The following SPMAP2 variants were observed in gnomAD, a reference collection of about 807,000 sequenced individuals.
SPMAP2 encodes Theg homolog.
chr19:375,219 C>T, the SPMAP2 span, among the ~76,000 whole-genome samples: 3 of 152,270 alleles, frequency 2.0e-5, no homozygotes, highest in East Asian at 1.9e-4. Flanking sequence ...TCACCCAGAA[C>T]GTGTTCCTCC....
chr19:371,542 A>G, the SPMAP2 span, among the ~76,000 whole-genome samples: 1 of 152,190 alleles, frequency 6.6e-6, no homozygotes, highest in East Asian at 1.9e-4. Context: ...TTCGTAAAGA[A>G]TTTCTAAGAG....
chr19:373,059 G>A, the SPMAP2 span, among the ~76,000 whole-genome samples: 1 of 152,156 alleles, frequency 6.6e-6, no homozygotes, highest in East Asian at 1.9e-4. Context: ...GGGGTTTCCA[G>A]GGGCCTAGTG....
At chr19:373,809 G>A in the SPMAP2 span, 16 of 893,416 alleles carry the variant, frequency 1.8e-5, no homozygotes, top group East Asian at 3.4e-4. Context: ...AGGGTGGAGA[G>A]CCCCACATCT....
At chr19:362,920 C>T in the SPMAP2 span, among the ~76,000 whole-genome samples, 5 of 152,194 alleles carry the variant, frequency 3.3e-5, no homozygotes, top group African/African-American at 9.6e-5. Context: ...CATGGCTGAG[C>T]CTTGAGGACA....
chr19:365,511 T>A, the SPMAP2 span, among the ~76,000 whole-genome samples: 9 of 78,086 alleles, frequency 1.2e-4, no homozygotes, highest in African/African-American at 3.7e-4. Flanking sequence ...ACACTCGCTC[T>A]TACCCCCACC....
At chr19:374,283 T>C in the SPMAP2 span, 1 of 1,613,412 alleles carries the variant, frequency 6.2e-7, no homozygotes. Context: ...GAGGCCGTGG[T>C]CTGGCGTGTC....
chr19:362,538 C>A, the SPMAP2 span: 1 of 779,190 alleles, frequency 1.3e-6, no homozygotes, highest in East Asian at 2.8e-5. Flanking sequence ...AAGGCTGAGG[C>A]AGGTGGATCA....
chr19:368,992 T>C, the SPMAP2 span, among the ~76,000 whole-genome samples: 1 of 152,156 alleles, frequency 6.6e-6, no homozygotes, highest in Non-Finnish European at 1.5e-5. The surrounding 1 kb of genome is among the most constrained non-coding windows in gnomAD (Gnocchi z 4.1). Context: ...AAAGGGAACA[T>C]GGACCGTGCA....
the SPMAP2 span, among the ~76,000 whole-genome samples, chr19:367,732 AGTG>A: frequency 6.6e-6 from 1 of 151,510 alleles, no homozygotes; most frequent in Admixed American, 6.6e-5. Context: ...GACCCGAGGA[AGTG>A]GGTGCAGGGA....
the SPMAP2 span, chr19:375,962 G>C: frequency 1.4e-6 from 2 of 1,437,168 alleles, no homozygotes; most frequent in Non-Finnish European, 1.8e-6. Context: ...TTCGCCTGCT[G>C]TCCCCCATAC....
the SPMAP2 span, chr19:362,301 C>T: frequency 6.2e-7 from 1 of 1,608,590 alleles, no homozygotes; most frequent in African/African-American, 1.3e-5. Flanking sequence ...TCGTTGAGGC[C>T]CTTGCGCACT....
the SPMAP2 span, among the ~76,000 whole-genome samples, chr19:369,344 C>T: frequency 2.0e-5 from 3 of 152,088 alleles, no homozygotes; most frequent in Non-Finnish European, 2.9e-5. Context: ...GCTCAATCCC[C>T]GCCCGGAGAA....
chr19:367,544 G>A, the SPMAP2 span, among the ~76,000 whole-genome samples: 4 of 152,262 alleles, frequency 2.6e-5, no homozygotes, highest in East Asian at 1.9e-4. Context: ...ATCACTCCAC[G>A]CTCACAAATT....
the SPMAP2 span, among the ~76,000 whole-genome samples, chr19:375,054 G>A: frequency 2.4e-3 from 371 of 152,290 alleles, 2 homozygotes; most frequent in Middle Eastern, 3.4e-3. Context: ...CGGAAACCAC[G>A]GTGAGAAGGG....
chr19:371,408 GTGTC>G, the SPMAP2 span: 15 of 574,268 alleles, frequency 2.6e-5, no homozygotes, highest in Non-Finnish European at 3.8e-5. Flanking sequence ...GTGTGTGTAT[GTGTC>G]TGTCTGTCTT....
the SPMAP2 span, chr19:367,158 G>T: frequency 3.1e-6 from 5 of 1,611,718 alleles, no homozygotes; most frequent in African/African-American, 1.3e-5. Flanking sequence ...GGGGCCTTCG[G>T]CTTTGACAAC....
At chr19:368,864 G>A in the SPMAP2 span, among the ~76,000 whole-genome samples, 4 of 152,166 alleles carry the variant, frequency 2.6e-5, no homozygotes, top group Admixed American at 1.3e-4. This position sits in a 1 kb window ranked among gnomAD's most constrained non-coding sequence, Gnocchi z 4.1. Flanking sequence ...AGCTCAGGCC[G>A]GGCTGCTGAG....
the SPMAP2 span, chr19:374,197 G>A: frequency 1.3e-6 from 2 of 1,549,196 alleles, no homozygotes; most frequent in East Asian, 2.3e-5. Context: ...GGTGGCAGCT[G>A]GGGGAGGGGA....
At chr19:374,170 C>G in the SPMAP2 span, 1 of 1,513,078 alleles carries the variant, frequency 6.6e-7, no homozygotes, top group Non-Finnish European at 9.0e-7. Flanking sequence ...CCCACCTACC[C>G]TAAGTTTGCT....
Sources: gnomAD v4.1 joint callset for allele counts (sites outside exome capture counted in the v4.1 genomes callset) on GRCh38, gnomAD v4.1.1 for gene constraint, Gnocchi (gnomAD v3.1) non-coding constraint, MANE v1.5 for transcripts, NCBI Gene and HGNC (gene_info 2026-07-23, HGNC 2026-07-21) for gene names.